NOX4: variants seen among roughly 807,000 people sequenced by gnomAD.
The protein encoded by NOX4 is NADPH oxidase 4.
In NOX4, 69 loss-of-function variants were observed where a neutral mutation model predicts 87.6. The ratio of observed to expected loss-of-function variants is 0.79; its 90% CI spans 0.65 to 0.96. The LOEUF (loss-of-function observed/expected upper bound fraction) is 0.96. Ranked by LOEUF, NOX4 falls within the 40% of genes least tolerant of loss-of-function variation. The pLI is 0.00. For missense variants in NOX4, 680 were observed against 681.5 expected, an observed-to-expected ratio of 1.00 and a Z score of 0.02; for synonymous variants, 275 against 238.2, an observed-to-expected ratio of 1.15 and a Z score of -1.42.
At chr11:89,472,748 T>G (rs1369345389) in intron 2 of NOX4, among the ~76,000 whole-genome samples, 3 of 152,200 alleles carry the variant, frequency 2.0e-5, no homozygotes, top group African/African-American at 7.2e-5. Flanking sequence ...ACTTCTAGAC[T>G]CTGTGCCTGT....
chr11:89,379,695 G>T (rs928454857), intron 11 of NOX4, among the ~76,000 whole-genome samples: 3 of 151,996 alleles, frequency 2.0e-5, no homozygotes, highest in African/African-American at 7.3e-5. Context: ...CCAGTTGCTC[G>T]GACCAAAAAC....
At chr11:89,333,266 G>A (rs1429493742) in intron 17 of NOX4, among the ~76,000 whole-genome samples, 2 of 151,644 alleles carry the variant, frequency 1.3e-5, no homozygotes, top group African/African-American at 4.8e-5. Context: ...GTTCTTCCTA[G>A]CAAAGCCAAG....
At chr11:89,502,384 G>C (rs113983868), upstream of NOX4, among the ~76,000 whole-genome samples, 70 of 152,130 alleles carry the variant, frequency 4.6e-4, no homozygotes, top group African/African-American at 1.6e-3. Context: ...CGGTTAAAGA[G>C]AAAATTGCTT....
chr11:89,337,228 G>A (rs771056719), intron 16 of NOX4, among the ~76,000 whole-genome samples: 34 of 151,968 alleles, frequency 2.2e-4, no homozygotes, highest in Non-Finnish European at 5.0e-4. Flanking sequence ...GAAGAGGGGA[G>A]GGGCAGACTC....
the NOX4 span, among the ~76,000 whole-genome samples, chr11:89,529,066 G>A: frequency 3.9e-5 from 6 of 151,998 alleles, no homozygotes; most frequent in African/African-American, 1.4e-4. Flanking sequence ...AGAAAGTGTA[G>A]AAAGAGAAAG....
At chr11:89,380,660 CTCT>C (rs1038750865) in intron 11 of NOX4, among the ~76,000 whole-genome samples, 2 of 152,138 alleles carry the variant, frequency 1.3e-5, no homozygotes, top group Non-Finnish European at 2.9e-5. Flanking sequence ...ATCATGTAGA[CTCT>C]TATTAGACAC....
chr11:89,379,655 C>G (rs1940129399), intron 11 of NOX4, among the ~76,000 whole-genome samples: 1 of 152,126 alleles, frequency 6.6e-6, no homozygotes, highest in Admixed American at 6.6e-5. Context: ...CTCTCCAACC[C>G]CAACCTTCCC....
intron 11 of NOX4, among the ~76,000 whole-genome samples, chr11:89,378,647 T>A (rs2135084388): frequency 6.6e-6 from 1 of 152,136 alleles, no homozygotes; most frequent in South Asian, 2.1e-4. Context: ...AAGAAAAATA[T>A]AGGAGAAAAA....
chr11:89,463,218 A>G (rs1591318362), intron 2 of NOX4, among the ~76,000 whole-genome samples: 1 of 151,890 alleles, frequency 6.6e-6, no homozygotes, highest in South Asian at 2.1e-4. Flanking sequence ...TAGGAACACT[A>G]TTCTCTGGAT....
the NOX4 span, among the ~76,000 whole-genome samples, chr11:89,582,089 T>C: frequency 6.6e-6 from 1 of 152,276 alleles, no homozygotes; most frequent in Admixed American, 6.5e-5. Flanking sequence ...GGTTGACTAT[T>C]TTAGATTCCT....
chr11:89,396,625 T>G (rs1941506727), intron 11 of NOX4, among the ~76,000 whole-genome samples: 1 of 151,994 alleles, frequency 6.6e-6, no homozygotes, highest in Non-Finnish European at 1.5e-5. Context: ...GGGAGGAAGA[T>G]CTACCAAGCA....
upstream of NOX4, among the ~76,000 whole-genome samples, chr11:89,493,722 TTATTA>T (rs1416342244): frequency 1.4e-3 from 8 of 5,624 alleles, no homozygotes; most frequent in Admixed American, 8.1e-3. Flanking sequence ...CCAGATTGTT[TTATTA>T]TTATTATTAT....
chr11:89,578,545 A>C, the NOX4 span, among the ~76,000 whole-genome samples: 2 of 152,188 alleles, frequency 1.3e-5, no homozygotes, highest in Non-Finnish European at 2.9e-5. Context: ...GTCACTTTAC[A>C]TATAGATAAA....
At chr11:89,580,702 T>A in the NOX4 span, among the ~76,000 whole-genome samples, 1 of 152,192 alleles carries the variant, frequency 6.6e-6, no homozygotes, top group Non-Finnish European at 1.5e-5. Flanking sequence ...TAAGTGCTTA[T>A]CATATATTAG....
chr11:89,503,672 T>C, the NOX4 span, among the ~76,000 whole-genome samples: 1 of 151,474 alleles, frequency 6.6e-6, no homozygotes, highest in Non-Finnish European at 1.5e-5. Context: ...TTTTATTAAC[T>C]TTAGACAAGT....
Position 89,360,803 on chromosome 11 carries a change from A to G in NOX4, c.1136-5760T>C, listed in dbSNP as rs317188. Among the ~76,000 whole-genome samples the G allele has an allele frequency of 4.0e-3, 605 of 152,248 alleles. 6 individuals carry two copies. Among genetic ancestry groups the G allele is most frequent in the African/African-American group, 0.014 (573 of 41,562 alleles). Reference sequence around the variant, plus strand: ...AAAAGTGGACAAAGGACTTGAGCAGACATTTCTCAAAAGAAGACATACAAC... The same window carrying G: ...AAAAGTGGACAAAGGACTTGAGCAGGCATTTCTCAAAAGAAGACATACAAC... On this transcript the variant is annotated intron_variant, in intron 12 of 17. Transcript: ENST00000263317.
the NOX4 span, among the ~76,000 whole-genome samples, chr11:89,544,644 G>A: frequency 6.6e-6 from 1 of 152,104 alleles, no homozygotes. Flanking sequence ...TTTTAGAAAA[G>A]ATGAATCTTA....
rs1940282593 is a variant in NOX4, at chr11:89,381,515, A to G, written c.1075-8023T>C. 2.0e-5 allele frequency among the ~76,000 whole-genome samples: 3 copies of G among 151,700 alleles called. No individual in the cohort carries two copies. In the South Asian group the frequency reaches 6.2e-4, roughly 32 times the overall value. ...CAACCCCCTTTAACTGTAATTTTCC[A>G]TTACCTACACAAATCCTATAAAATG... On this transcript the variant is annotated intron_variant, in intron 11 of 17. Transcript: ENST00000263317.
chr11:89,451,704 A>G (rs1944969142), intron 3 of NOX4, 81 bp downstream of exon 3: 3 of 946,160 alleles, frequency 3.2e-6, no homozygotes, highest in East Asian at 2.5e-5. Context: ...AAGTCAGACT[A>G]TGAAAAGTAA....
Sources: gnomAD v4.1 joint callset for allele counts (sites outside exome capture counted in the v4.1 genomes callset) on GRCh38, gnomAD v4.1.1 for gene constraint, MANE v1.5 for transcripts, NCBI Gene and HGNC (gene_info 2026-07-23, HGNC 2026-07-21) for gene names.